Variants in SGCZ observed in about 807,000 individuals in gnomAD.
The protein encoded by SGCZ is zeta-sarcoglycan.
A neutral mutation model predicts 41.3 loss-of-function variants in SGCZ; 40 were observed. The ratio of observed to expected loss-of-function variants is 0.97; its 90% CI spans 0.75 to 1.26. The LOEUF (loss-of-function observed/expected upper bound fraction) is 1.26. Among genes scored for constraint, SGCZ ranks in the 50% most tolerant of loss-of-function variants. The pLI is 0.00. For synonymous variants in SGCZ, 206 were observed against 137.5 expected, an observed-to-expected ratio of 1.50 and a Z score of -3.49; for missense variants, 552 against 369.8, an observed-to-expected ratio of 1.49 and a Z score of -4.04.
chr8:14,402,884 T>C (rs1273044714), intron 2 of SGCZ, among the ~76,000 whole-genome samples: 10 of 149,990 alleles, frequency 6.7e-5, no homozygotes, highest in East Asian at 3.9e-4. Flanking sequence ...TTGGGCAGTA[T>C]GGCCATTTTC....
chr8:14,647,761 C>T (rs1490384758), intron 1 of SGCZ, among the ~76,000 whole-genome samples: 1 of 151,832 alleles, frequency 6.6e-6, no homozygotes, highest in Non-Finnish European at 1.5e-5. Context: ...GGGTGAGAAA[C>T]CTGGACACTT....
At chr8:14,941,796 A>T (rs1360721743) in intron 1 of SGCZ, among the ~76,000 whole-genome samples, 3 of 151,590 alleles carry the variant, frequency 2.0e-5, no homozygotes, top group East Asian at 1.9e-4. Context: ...CATATGTTAC[A>T]TGTCATATAT....
At chr8:14,585,313 G>A (rs1255751682) in intron 1 of SGCZ, among the ~76,000 whole-genome samples, 1 of 152,076 alleles carries the variant, frequency 6.6e-6, no homozygotes, top group Non-Finnish European at 1.5e-5. Context: ...ATCATCAGCT[G>A]TAGCTCTGTG....
intron 2 of SGCZ, among the ~76,000 whole-genome samples, chr8:14,426,187 G>A (rs950047659): frequency 2.6e-5 from 4 of 152,000 alleles, no homozygotes; most frequent in Admixed American, 2.6e-4. Context: ...CTTCCATTAA[G>A]CTTAATTTCT....
chr8:15,196,952 G>A (rs903817503), intron 1 of SGCZ, among the ~76,000 whole-genome samples: 1 of 152,178 alleles, frequency 6.6e-6, no homozygotes, highest in Non-Finnish European at 1.5e-5. Context: ...TTCTCTAGCA[G>A]GACAGACTGT....
At chr8:14,093,391 G>T (rs866511444) in intron 7 of SGCZ, among the ~76,000 whole-genome samples, 2 of 152,000 alleles carry the variant, frequency 1.3e-5, no homozygotes, top group Non-Finnish European at 2.9e-5. Flanking sequence ...CACTTCAATT[G>T]GATCCTGATG....
intron 1 of SGCZ, among the ~76,000 whole-genome samples, chr8:14,578,107 G>A (rs2117249131): frequency 6.6e-6 from 1 of 152,274 alleles, no homozygotes; most frequent in South Asian, 2.1e-4. Flanking sequence ...TTTTATCAAA[G>A]TTGGGTGAAG....
At chr8:14,422,202 A>G (rs1483848252) in intron 2 of SGCZ, among the ~76,000 whole-genome samples, 1 of 152,210 alleles carries the variant, frequency 6.6e-6, no homozygotes, top group Non-Finnish European at 1.5e-5. Flanking sequence ...GTAATGAGAT[A>G]AACATTTTAT....
chr8:15,216,107 A>T (rs1801390671), intron 1 of SGCZ, among the ~76,000 whole-genome samples: 1 of 152,158 alleles, frequency 6.6e-6, no homozygotes, highest in Admixed American at 6.5e-5. Flanking sequence ...CATTACTATT[A>T]ACATCTGCCA....
intron 1 of SGCZ, among the ~76,000 whole-genome samples, chr8:15,180,568 T>TA: frequency 6.6e-6 from 1 of 150,738 alleles, no homozygotes; most frequent in Non-Finnish European, 1.5e-5. Context: ...TTAGCACTGA[T>TA]ACAAAGAACA....
chr8:14,672,894 T>A (rs992752525), intron 1 of SGCZ, among the ~76,000 whole-genome samples: 1 of 152,326 alleles, frequency 6.6e-6, no homozygotes, highest in Middle Eastern at 3.4e-3. Context: ...TTAGCCTTTC[T>A]GGGTCACATG....
At chr8:14,095,193 C>G (rs2116961661) in intron 7 of SGCZ, among the ~76,000 whole-genome samples, 1 of 152,244 alleles carries the variant, frequency 6.6e-6, no homozygotes, top group African/African-American at 2.4e-5. Context: ...ATCGTGAAGT[C>G]TTTGCCCGTG....
At chr8:14,650,042 T>C (rs529757633) in intron 1 of SGCZ, among the ~76,000 whole-genome samples, 2 of 152,170 alleles carry the variant, frequency 1.3e-5, no homozygotes, top group East Asian at 3.9e-4. Flanking sequence ...GGAGGAAAAG[T>C]TTCTCTAAGA....
chr8:14,770,341 G>C (rs1007351432), intron 1 of SGCZ, among the ~76,000 whole-genome samples: 4 of 151,116 alleles, frequency 2.6e-5, no homozygotes, highest in Admixed American at 2.6e-4. Context: ...TAACATAATA[G>C]TTCGTCAAGC....
chr8:14,782,691 A>G (rs2130439283), intron 1 of SGCZ, among the ~76,000 whole-genome samples: 1 of 152,310 alleles, frequency 6.6e-6, no homozygotes, highest in Non-Finnish European at 1.5e-5. Context: ...TAGAAAAAAA[A>G]TTATTAGCAG....
chr8:14,365,252 C>G (rs542955638), intron 2 of SGCZ, among the ~76,000 whole-genome samples: 8 of 152,134 alleles, frequency 5.3e-5, no homozygotes, highest in African/African-American at 1.9e-4. Context: ...GTCTCAAAAA[C>G]ATACATTTTC....
intron 1 of SGCZ, among the ~76,000 whole-genome samples, chr8:14,603,649 A>G (rs1404595616): frequency 6.6e-6 from 1 of 152,214 alleles, no homozygotes; most frequent in Non-Finnish European, 1.5e-5. Context: ...AAAGACCCAC[A>G]AATGCAATTT....
intron 1 of SGCZ, among the ~76,000 whole-genome samples, chr8:14,585,154 T>C (rs546722175): frequency 6.6e-6 from 1 of 152,284 alleles, no homozygotes; most frequent in Non-Finnish European, 1.5e-5. Flanking sequence ...CTTTTTGTTA[T>C]GATAACAAGG....
At chr8:14,406,324 T>C (rs139851187) in intron 2 of SGCZ, among the ~76,000 whole-genome samples, 31 of 152,252 alleles carry the variant, frequency 2.0e-4, no homozygotes, top group African/African-American at 7.2e-4. Context: ...CACTTTCTTA[T>C]CAAATTTTCT....
Sources: gnomAD v4.1 joint callset for allele counts (sites outside exome capture counted in the v4.1 genomes callset) on GRCh38, gnomAD v4.1.1 for gene constraint, MANE v1.5 for transcripts, NCBI Gene and HGNC (gene_info 2026-07-23, HGNC 2026-07-21) for gene names.